GUCY1A1: variants seen among roughly 807,000 people sequenced by gnomAD.
GUCY1A1 encodes guanylate cyclase 1 soluble subunit alpha 1, also known as guanylate cyclase soluble subunit alpha-1.
Under a neutral mutation model 64.5 loss-of-function variants are expected in GUCY1A1, and 48 were observed. That is an observed-to-expected ratio of 0.74 (90% CI 0.59 to 0.95). GUCY1A1 has a LOEUF of 0.95. Among genes scored for constraint, GUCY1A1 ranks in the 40% least tolerant of loss-of-function variants. The pLI is 0.00. For missense variants in GUCY1A1, 804 were observed against 825.3 expected (o/e 0.97, Z 0.32); for synonymous variants, 308 against 303.4 (o/e 1.02, Z -0.16).
intron 9 of GUCY1A1, among the ~76,000 whole-genome samples, chr4:155,723,432 C>A (rs990968217): frequency 1.3e-5 from 2 of 152,058 alleles, no homozygotes; most frequent in Admixed American, 6.6e-5. Flanking sequence ...ACTTATCCAC[C>A]TTTAACCGGA....
At chr4:155,725,805 TA>T (rs755295151) in intron 9 of GUCY1A1, among the ~76,000 whole-genome samples, 2 of 152,048 alleles carry the variant, frequency 1.3e-5, no homozygotes, top group African/African-American at 2.4e-5. Flanking sequence ...GCTCATGACT[TA>T]AGTCTTAGAT....
chr4:155,718,958 CTA>C (rs1406382819), intron 8 of GUCY1A1, among the ~76,000 whole-genome samples: 1 of 151,986 alleles, frequency 6.6e-6, no homozygotes, highest in Non-Finnish European at 1.5e-5. Flanking sequence ...TAGAGGAGGA[CTA>C]TATATTTCTT....
rs569966567 is a variant in GUCY1A1, at chr4:155,713,616, C to T, written c.1572+33C>T. 1.1e-5 allele frequency: 17 copies of T among 1,595,802 alleles called. No homozygotes were observed. In the South Asian group the frequency reaches 1.5e-4, roughly 14 times the overall value. ...TGGACCAGGGAAATAATTGTTTTAC[C>T]AGCAAACTCACTGGGGAACAAGCAC... On this transcript the variant is annotated intron_variant, in intron 7 of 9. Transcript: ENST00000506455.
At chr4:155,724,435 A>T (rs1734388048) in intron 9 of GUCY1A1, among the ~76,000 whole-genome samples, 1 of 151,718 alleles carries the variant, frequency 6.6e-6, no homozygotes, top group Non-Finnish European at 1.5e-5. Flanking sequence ...TCCACCTCTT[A>T]TTTTCTCTTC....
At chr4:155,677,638 G>A (rs1180625168) in intron 2 of GUCY1A1, among the ~76,000 whole-genome samples, 2 of 152,114 alleles carry the variant, frequency 1.3e-5, no homozygotes, top group Non-Finnish European at 2.9e-5. Flanking sequence ...ATCACCTGAG[G>A]TCAGGAGTTC....
chr4:155,669,754 TAAC>T (rs1203955650), intron 2 of GUCY1A1, among the ~76,000 whole-genome samples: 2 of 152,182 alleles, frequency 1.3e-5, no homozygotes, highest in African/African-American at 4.8e-5. Flanking sequence ...AATGTTTATC[TAAC>T]ATCACTTTTA....
At chr4:155,721,984 A>G in intron 8 of GUCY1A1, 54 bp from the exon 9 acceptor site, 1 of 1,185,348 alleles carries the variant, frequency 8.4e-7, no homozygotes, top group Non-Finnish European at 1.3e-6. Context: ...GACACTGACG[A>G]GTAGGAAGTG....
At position 155,733,814 on chromosome 4, in the gene GUCY1A1, T is replaced by C. The variant is rs1174959908; in HGVS notation, c.*3583T>C. ...TCAGATGTGTGTTTTCCAAAGACTA[T>C]TAGAAACAGCATGGTTAAGGATAGG... is the stretch of plus-strand genomic sequence containing the variant. On this transcript the variant is annotated 3_prime_UTR_variant, in exon 10 of 10. Coordinates refer to ENST00000506455, the MANE Select transcript of GUCY1A1 (RefSeq NM_001130682.3). Among the ~76,000 whole-genome samples, 1 of 151,638 alleles carries C rather than the reference T, an allele frequency of 6.6e-6. No homozygotes were observed. Among genetic ancestry groups the C allele is most frequent in the Non-Finnish European group, 1.5e-5 (1 of 67,834 alleles).
intron 6 of GUCY1A1, among the ~76,000 whole-genome samples, chr4:155,712,661 A>G (rs2126870357): frequency 6.6e-6 from 1 of 152,292 alleles, no homozygotes; most frequent in African/African-American, 2.4e-5. Context: ...GAAACATGCT[A>G]AAAGAGAAGG....
chr4:155,690,636 A>G (rs568445924), intron 2 of GUCY1A1, among the ~76,000 whole-genome samples: 3 of 152,284 alleles, frequency 2.0e-5, no homozygotes, highest in South Asian at 2.1e-4. Flanking sequence ...TTCTGTTCCT[A>G]GAACATTGGC....
In GUCY1A1 at chr4:155,677,649, G is replaced by A. The variant is rs144816928; in HGVS notation, c.-113+10230G>A. 6.2e-3 allele frequency among the ~76,000 whole-genome samples: 945 copies of A among 152,150 alleles called. 4 individuals are homozygous for A. The highest frequency in any genetic ancestry group is 0.01 in the Non-Finnish European group (692 of 67,982). On this transcript the variant is annotated intron_variant, in intron 2 of 9. Coordinates refer to ENST00000506455, the MANE Select transcript of GUCY1A1 (RefSeq NM_001130682.3). The stretch of plus-strand genomic sequence containing the variant: ...GCAGATCACCTGAGGTCAGGAGTTC[G>A]AGACCAGCCTGGTCAAACATGGTGA...
chr4:155,689,998 A>T (rs1361742580), intron 2 of GUCY1A1, among the ~76,000 whole-genome samples: 2 of 152,230 alleles, frequency 1.3e-5, no homozygotes, highest in East Asian at 3.9e-4. Flanking sequence ...CCTACTCAGT[A>T]ATAGAAATTG....
intron 4 of GUCY1A1, among the ~76,000 whole-genome samples, chr4:155,706,774 C>G (rs1731834432): frequency 6.6e-6 from 1 of 152,194 alleles, no homozygotes; most frequent in Non-Finnish European, 1.5e-5. Context: ...TTGAATTGCA[C>G]TATGTGCTGT....
chr4:155,670,878 G>A (rs978343968), intron 2 of GUCY1A1, among the ~76,000 whole-genome samples: 6 of 152,172 alleles, frequency 3.9e-5, no homozygotes, highest in Non-Finnish European at 7.3e-5. Context: ...CAATGGCTTT[G>A]AGAGTGAACA....
chr4:155,734,344 G>A lies in GUCY1A1; in HGVS notation c.*4113G>A, dbSNP rs1366386032. On this transcript the variant is annotated 3_prime_UTR_variant, in exon 10 of 10. Transcript: ENST00000506455. ...GCTTTAAATCCACAATCAAGCCCTT[G>A]TTGATGCAAATGTTAGTCGCCCAAA... is the stretch of plus-strand genomic sequence containing the variant. 6.6e-6 allele frequency: 1 copy of A among 151,926 alleles called. No individual in the cohort carries two copies. The highest frequency in any genetic ancestry group is 2.4e-5 in the African/African-American group (1 of 41,400). 9.4% of individuals were successfully genotyped at this position (151,926 alleles called of 1,614,324 possible).
At chr4:155,696,367 G>T (rs1730407326) in intron 2 of GUCY1A1, among the ~76,000 whole-genome samples, 1 of 152,110 alleles carries the variant, frequency 6.6e-6, no homozygotes, top group East Asian at 1.9e-4. Context: ...AGCATAATGA[G>T]AATGTAGTAG....
At chr4:155,725,327 G>C (rs1734513968) in intron 9 of GUCY1A1, among the ~76,000 whole-genome samples, 1 of 151,988 alleles carries the variant, frequency 6.6e-6, no homozygotes, top group South Asian at 2.1e-4. Flanking sequence ...AAAATCCCTG[G>C]GGTTCATTGT....
rs575576343 is a variant in GUCY1A1 at position 155,688,150 on chromosome 4, C to T, written c.-112-8606C>T. ...GGCTGAGGCAGGAGAATGGCGTGAA[C>T]CCGGGAGGTGGAGCTTGCAGTGAGC... On this transcript the variant is annotated intron_variant, in intron 2 of 9. Transcript: ENST00000506455. Among the ~76,000 whole-genome samples the T allele has an allele frequency of 1.4e-3, 219 of 151,994 alleles. 7 individuals are homozygous for T. The highest frequency in any genetic ancestry group is 4.2e-3 in the South Asian group (20 of 4,816).
intron 2 of GUCY1A1, among the ~76,000 whole-genome samples, chr4:155,676,910 C>T (rs775868540): frequency 2.6e-5 from 4 of 151,484 alleles, no homozygotes; most frequent in Admixed American, 6.6e-5. Context: ...TTAAGTGTCA[C>T]GTTTTCAGGG....
Sources: allele counts gnomAD v4.1 joint callset (sites outside exome capture counted in the v4.1 genomes callset), GRCh38; gene constraint gnomAD v4.1.1; transcripts MANE v1.5; gene names NCBI Gene and HGNC (gene_info 2026-07-23, HGNC 2026-07-21).